The following THSD4 variants were observed in gnomAD, a reference collection of about 807,000 sequenced individuals.
THSD4 encodes the protein thrombospondin type 1 domain containing 4.
In THSD4, 69 loss-of-function variants were observed where a neutral mutation model predicts 119.0. That is an observed-to-expected ratio of 0.58 (90% CI 0.48 to 0.71). THSD4 has a LOEUF of 0.71. THSD4 is among the 30% of genes least tolerant of loss of function. The pLI is 0.00. For synonymous variants in THSD4, 524 were observed against 540.4 expected (o/e 0.97, Z 0.42); for missense variants, 1,393 against 1,391.1 (o/e 1.00, Z -0.02).
rs529314247 is a variant in THSD4, at chr15:71,469,404, A to G, written c.1152+57581A>G. ...TTTCCAGCTCTCAGAATGCAGCTGCAGGTTCACAAGTCAGCAACCCATGGA... is the reference window on the plus strand; with the variant it reads ...TTTCCAGCTCTCAGAATGCAGCTGCGGGTTCACAAGTCAGCAACCCATGGA... On this transcript the variant is annotated intron_variant, in intron 7 of 17. Coordinates refer to ENST00000261862, the MANE Select transcript of THSD4 (RefSeq NM_024817.3). 4.6e-5 allele frequency among the ~76,000 whole-genome samples: 7 copies of G among 152,294 alleles called. No homozygotes were observed. In the South Asian group the frequency reaches 1.4e-3, roughly 32 times the overall value.
intron 7 of THSD4, among the ~76,000 whole-genome samples, chr15:71,647,883 G>T (rs886426750): frequency 2.0e-5 from 3 of 152,180 alleles, no homozygotes; most frequent in Non-Finnish European, 4.4e-5. Flanking sequence ...GTGTGGCCAG[G>T]CCTCGTGGGA....
At chr15:71,253,688 G>T (rs1261490709) in intron 5 of THSD4, among the ~76,000 whole-genome samples, 1 of 152,112 alleles carries the variant, frequency 6.6e-6, no homozygotes, top group African/African-American at 2.4e-5. Context: ...GATTATAGCC[G>T]TGAGCCACTG....
chr15:71,528,270 G>A (rs938188602), intron 7 of THSD4, among the ~76,000 whole-genome samples: 13 of 152,066 alleles, frequency 8.5e-5, no homozygotes, highest in African/African-American at 2.2e-4. Flanking sequence ...CCCATGTATC[G>A]TACTTTTGCA....
intron 3 of THSD4, among the ~76,000 whole-genome samples, chr15:71,199,451 GT>G (rs1224810562): frequency 4.7e-4 from 60 of 126,910 alleles, no homozygotes; most frequent in Admixed American, 1.5e-3. Context: ...GTGTGTGTGT[GT>G]GGGGGGGGGT....
At chr15:71,279,413 G>A (rs2044626836) in intron 6 of THSD4, among the ~76,000 whole-genome samples, 1 of 152,214 alleles carries the variant, frequency 6.6e-6, no homozygotes, top group Admixed American at 6.5e-5. Flanking sequence ...TTTGGAGGTT[G>A]TATAAATAGT....
chr15:71,114,860 C>T (rs2040341274), upstream of THSD4: 1 of 152,292 alleles, frequency 6.6e-6, no homozygotes, highest in African/African-American at 2.4e-5. Context: ...GTCTAACCCC[C>T]GTTGGAATTT....
rs963239406 is a variant in THSD4 at position 71,375,771 on chromosome 15, G to T, written c.1016-35916G>T. Among the ~76,000 whole-genome samples, 7 of 152,240 alleles carry T rather than the reference G, an allele frequency of 4.6e-5. No individual in the cohort carries two copies. The East Asian group carries it at 5.8e-4, about 13-fold the overall frequency. ...TCAGCATCACCTGGGAACTTGTTAGGAATGCAAATTCGGGCCTCACTCCCA... is the reference window on the plus strand; with the variant it reads ...TCAGCATCACCTGGGAACTTGTTAGTAATGCAAATTCGGGCCTCACTCCCA... On this transcript the variant is annotated intron_variant, in intron 6 of 17. Transcript: ENST00000261862.
chr15:71,619,496 T>G (rs1567065910), intron 7 of THSD4, among the ~76,000 whole-genome samples: 1 of 152,170 alleles, frequency 6.6e-6, no homozygotes, highest in Non-Finnish European at 1.5e-5. Flanking sequence ...GCAAATTTGT[T>G]ATTTTCTCAT....
chr15:71,665,378 T>C (rs767619133), intron 8 of THSD4, among the ~76,000 whole-genome samples: 17 of 152,210 alleles, frequency 1.1e-4, no homozygotes, highest in Non-Finnish European at 1.8e-4. Context: ...TGAAAGTTCC[T>C]TATAGATGCT....
chr15:71,501,964 T>C (rs112461605), intron 7 of THSD4, among the ~76,000 whole-genome samples: 2,131 of 152,354 alleles, frequency 0.014, 18 homozygotes, highest in Middle Eastern at 0.051. Context: ...TATTTAACTA[T>C]GTTTAAGATC....
chr15:71,347,265 CT>C (rs1566949330), intron 6 of THSD4, among the ~76,000 whole-genome samples: 1 of 152,198 alleles, frequency 6.6e-6, no homozygotes, highest in East Asian at 1.9e-4. Context: ...TTACTGTGTA[CT>C]CCGTCACCCT....
intron 8 of THSD4, among the ~76,000 whole-genome samples, chr15:71,661,688 G>A (rs191230344): frequency 3.7e-4 from 56 of 152,168 alleles, no homozygotes; most frequent in Non-Finnish European, 7.2e-4. Flanking sequence ...GAGCCACCAC[G>A]CCTGGCCTTG....
At chr15:71,639,288 C>T (rs536640255) in intron 7 of THSD4, among the ~76,000 whole-genome samples, 1 of 152,254 alleles carries the variant, frequency 6.6e-6, no homozygotes, top group African/African-American at 2.4e-5. Flanking sequence ...TGAAGTAAAT[C>T]CTGGTAGCTT....
At chr15:71,558,138 G>T (rs570273563) in intron 7 of THSD4, among the ~76,000 whole-genome samples, 35 of 152,176 alleles carry the variant, frequency 2.3e-4, no homozygotes, top group African/African-American at 8.2e-4. Flanking sequence ...GACCAGACTG[G>T]CCAACATGGT....
intron 8 of THSD4, among the ~76,000 whole-genome samples, chr15:71,700,768 A>G (rs1290173960): frequency 6.6e-6 from 1 of 152,162 alleles, no homozygotes; most frequent in African/African-American, 2.4e-5. Flanking sequence ...TTTGTAGTAT[A>G]TGATAAAAGC....
At position 71,595,009 on chromosome 15, in the gene THSD4, G is replaced by A. The variant is rs187322213; in HGVS notation, c.1153-65521G>A. ...GGGGGTCAGTCAATCCCAGTGGTGG[G>A]AACTAAGTGGTGATATGGTATAAAC... On this transcript the variant is annotated intron_variant, in intron 7 of 17. Transcript: ENST00000261862. Among the ~76,000 whole-genome samples the A allele has an allele frequency of 5.8e-4, 89 of 152,302 alleles. 1 individual carries two copies. In the Middle Eastern group the frequency reaches 0.017, roughly 29 times the overall value.
At chr15:71,738,387 A>C (rs541587568) in intron 11 of THSD4, among the ~76,000 whole-genome samples, 185 of 152,294 alleles carry the variant, frequency 1.2e-3, no homozygotes, top group Non-Finnish European at 2.1e-3. Context: ...GGCCCAAGGG[A>C]AATGGCAAAC....
intron 1 of THSD4, among the ~76,000 whole-genome samples, chr15:71,132,921 C>T (rs1413983855): frequency 6.6e-6 from 1 of 152,212 alleles, no homozygotes; most frequent in African/African-American, 2.4e-5. Context: ...AAGGCCTGAG[C>T]CCCCAGCTGC....
intron 6 of THSD4, among the ~76,000 whole-genome samples, chr15:71,398,585 AAG>A (rs2046482565): frequency 6.6e-6 from 1 of 152,130 alleles, no homozygotes; most frequent in South Asian, 2.1e-4. Flanking sequence ...TAGGGATTGA[AAG>A]AGGTTTCTAG....
Sources: gnomAD v4.1 joint callset for allele counts (sites outside exome capture counted in the v4.1 genomes callset) on GRCh38, gnomAD v4.1.1 for gene constraint, MANE v1.5 for transcripts, NCBI Gene and HGNC (gene_info 2026-07-23, HGNC 2026-07-21) for gene names.